Variants in SSH1 observed in about 807,000 individuals in gnomAD.
SSH1 encodes the protein protein phosphatase Slingshot homolog 1.
Under a neutral mutation model 79.7 loss-of-function variants are expected in SSH1, and 43 were observed. The ratio of observed to expected loss-of-function variants is 0.54; its 90% CI spans 0.42 to 0.70. The LOEUF is 0.70. Among genes scored for constraint, SSH1 ranks in the 30% least tolerant of loss-of-function variants. The pLI, the probability that SSH1 is intolerant of heterozygous loss-of-function variation, is 0.00. For synonymous variants in SSH1, 599 were observed against 538.3 expected, an observed-to-expected ratio of 1.11 and a Z score of -1.56; for missense variants, 1,206 against 1,358.8, an observed-to-expected ratio of 0.89 and a Z score of 1.77.
intron 2 of SSH1, among the ~76,000 whole-genome samples, chr12:108,844,920 C>G (rs1053002707): frequency 6.6e-6 from 1 of 152,024 alleles, no homozygotes; most frequent in Non-Finnish European, 1.5e-5. Flanking sequence ...ACCAGCCTGA[C>G]CAATACGGTG....
chr12:108,804,685 T>C (rs1403208319), intron 10 of SSH1, among the ~76,000 whole-genome samples: 1 of 152,222 alleles, frequency 6.6e-6, no homozygotes, highest in Admixed American at 6.5e-5. Context: ...ACACTTCCTT[T>C]AGTAACTGGG....
chr12:108,808,241 A>G (rs2037388212), intron 7 of SSH1, among the ~76,000 whole-genome samples: 1 of 152,196 alleles, frequency 6.6e-6, no homozygotes, highest in East Asian at 1.9e-4. Flanking sequence ...CCCGGCTGAG[A>G]AGTGCAGTTT....
Position 108,788,716 on chromosome 12 carries a change from G to T in SSH1, c.2422C>A (p.Gln808Lys), listed in dbSNP as rs909948991. The change falls in exon 15 of 15, where the codon CAG becomes AAG. Residue 808 changes from glutamine to lysine, a missense_variant. Physicochemically the swap from Gln to Lys is moderately conservative, Grantham distance 53 (BLOSUM62 1). Coordinates refer to ENST00000326495, the MANE Select transcript of SSH1 (RefSeq NM_018984.4). ...EKPTTNSYLM[Q>K]HQESIIQLQK... Reference sequence around the variant, plus strand: ...AGCTGAATGATGGACTCCTGGTGCTGCATCAGGTAGCTGTTGGTTGTCGGC... The same window carrying T: ...AGCTGAATGATGGACTCCTGGTGCTTCATCAGGTAGCTGTTGGTTGTCGGC... 2 of 1,614,124 alleles carry T rather than the reference G, an allele frequency of 1.2e-6. No homozygotes were observed. The highest frequency in any genetic ancestry group is 2.7e-5 in the African/African-American group (2 of 74,946).
At chr12:108,799,585 C>CG (rs1457671525) in intron 12 of SSH1, among the ~76,000 whole-genome samples, 1 of 152,134 alleles carries the variant, frequency 6.6e-6, no homozygotes, top group Non-Finnish European at 1.5e-5. Context: ...GGGCAGCTAA[C>CG]GGGATTTCTG....
Position 108,782,652 on chromosome 12 carries a change from G to A in SSH1, c.*5336C>T, listed in dbSNP as rs2036163423. On this transcript the variant is annotated 3_prime_UTR_variant, in exon 15 of 15. Transcript: ENST00000326495. ...CGATGTATCAGACTGTTTTGGCAAG[G>A]GCTGAGGAAGCAGTTTCCTTTTATA... 1 of 150,378 alleles carries A rather than the reference G, an allele frequency of 6.6e-6. No individual in the cohort carries two copies. The highest frequency in any genetic ancestry group is 7.0e-5 in the Admixed American group (1 of 14,256). The allele number at this position is 150,378 out of a possible 1,614,324, so 9.3% of individuals were successfully genotyped here. A position where few individuals can be genotyped will look rare whatever the true frequency, so the allele number is the denominator to read the frequency against.
chr12:108,800,783 G>A lies in SSH1; in HGVS notation c.1145C>T (p.Ala382Val), dbSNP rs763996054. The A allele has an allele frequency of 1.1e-5, 18 of 1,613,308 alleles. No homozygotes were observed. Among genetic ancestry groups the A allele is most frequent in the South Asian group, 9.9e-5 (9 of 91,062 alleles). Residue 382 changes from alanine (A) to valine (V), a missense_variant, in exon 12 of 15, where the codon GCG becomes GTG. Ala to Val is a moderately conservative substitution (Grantham distance 64, BLOSUM62 0). This residue lies in a region of SSH1 where 166 missense variants were observed against 262.9 expected (regional missense o/e 0.63). Transcript: ENST00000326495. ...WNEAYHFINK[A>V]KRNHSKCLVH... ...CCCCGCCTCTCTGTCCACTTACTTC[G>A]CTTTGTTTATAAAATGATACGCTTC...
rs900354975 is a variant in SSH1 at position 108,785,954 on chromosome 12, A to G, written c.*2034T>C. 1.3e-5 allele frequency: 2 copies of G among 152,188 alleles called. No individual in the cohort carries two copies. The highest frequency in any genetic ancestry group is 4.8e-5 in the African/African-American group (2 of 41,444). 9.4% of individuals were successfully genotyped at this position (152,188 alleles called of 1,614,324 possible). On this transcript the variant is annotated 3_prime_UTR_variant, in exon 15 of 15. Coordinates refer to ENST00000326495, the MANE Select transcript of SSH1 (RefSeq NM_018984.4). ...AAGTGGATAATCACCTTTTAAGGTG[A>G]TTTTAATTGACACTAGTGGGAAAAC...
rs1373502231 is a variant in SSH1, at chr12:108,792,572, T to C, written c.1607A>G (p.Glu536Gly). 5 of 1,613,436 alleles carry C rather than the reference T, an allele frequency of 3.1e-6. No individual in the cohort carries two copies. In the African/African-American group the frequency reaches 6.7e-5, roughly 22 times the overall value. ...TGSLVHLEDP[E>G]REALLEEAAP... The stretch of plus-strand genomic sequence containing the variant: ...AGCTTCCTCCAACAGAGCCTCCCTC[T>C]CCGGATCCTCCAGGTGGACCAAGCT... Residue 536 changes from glutamate (E) to glycine (G), a missense_variant, in exon 14 of 15, where the codon GAG becomes GGG. Around this residue, in one of 5 missense-constraint regions of SSH1, gnomAD observed 709 missense variants for 730.6 expected, o/e 0.97. Transcript: ENST00000326495.
At position 108,785,690 on chromosome 12, in the gene SSH1, A is replaced by G. The variant is rs1345155075; in HGVS notation, c.*2298T>C. The stretch of plus-strand genomic sequence containing the variant: ...CACACCCCACCCCCCAACTCTTTAG[A>G]TAAGAAAAATTATGGCTTTCAAAAT... On this transcript the variant is annotated 3_prime_UTR_variant, in exon 15 of 15. Transcript: ENST00000326495. The G allele has an allele frequency of 6.6e-6, 1 of 152,178 alleles. No individual in the cohort carries two copies. The allele number at this position is 152,178 out of a possible 1,614,324, so 9.4% of individuals were successfully genotyped here. A position where few individuals can be genotyped will look rare whatever the true frequency, so the allele number is the denominator to read the frequency against.
intron 2 of SSH1, among the ~76,000 whole-genome samples, chr12:108,830,321 G>A (rs991779011): frequency 2.6e-5 from 4 of 152,122 alleles, no homozygotes; most frequent in Admixed American, 6.5e-5. Flanking sequence ...GCGTGGTGAC[G>A]CACACTTGTA....
At chr12:108,842,050 G>A (rs559653161) in intron 2 of SSH1, among the ~76,000 whole-genome samples, 3 of 152,134 alleles carry the variant, frequency 2.0e-5, no homozygotes, top group Admixed American at 2.0e-4. Flanking sequence ...GACCAATTGA[G>A]CCCAGGAGGT....
At chr12:108,811,080 C>T (rs1181946493) in intron 6 of SSH1, among the ~76,000 whole-genome samples, 180 bp downstream of exon 6, 1 of 152,196 alleles carries the variant, frequency 6.6e-6, no homozygotes, top group Non-Finnish European at 1.5e-5. Context: ...CCCAATCAGA[C>T]GTCCAAAACA....
chr12:108,817,658 C>G (rs768447037), intron 4 of SSH1, among the ~76,000 whole-genome samples: 1 of 152,188 alleles, frequency 6.6e-6, no homozygotes, highest in African/African-American at 2.4e-5. Context: ...GCACCAGGGA[C>G]GCCGCCTGGC....
intron 12 of SSH1, 127 bp downstream of exon 12, chr12:108,800,653 C>A: frequency 1.8e-6 from 2 of 1,128,594 alleles, no homozygotes; most frequent in Non-Finnish European, 2.6e-6. Flanking sequence ...CCAACTCCTG[C>A]GTCTGGAGTC....
chr12:108,788,309 A>C lies in SSH1; in HGVS notation c.2829T>G (p.Ser943Arg). The C allele has an allele frequency of 6.2e-7, 1 of 1,613,382 alleles. No individual in the cohort carries two copies. Among genetic ancestry groups the C allele is most frequent in the Middle Eastern group, 1.6e-4 (1 of 6,062 alleles). Reference sequence around the variant, plus strand: ...TCACCAGCCCGGGCTTCCCACGGACACTGTGGATGCTATCGCTGCTGGAGC... The same window carrying C: ...TCACCAGCCCGGGCTTCCCACGGACCCTGTGGATGCTATCGCTGCTGGAGC... ...TRSSSSDSIH[S>R]VRGKPGLVKQ... The change falls in exon 15 of 15, where the codon AGT (serine) becomes AGG (arginine). Residue 943 changes from serine to arginine, a missense_variant. By Grantham distance (110) the Ser-to-Arg change is moderately radical. This residue lies in a region of SSH1 where 709 missense variants were observed against 730.6 expected (regional missense o/e 0.97). Coordinates refer to ENST00000326495, the MANE Select transcript of SSH1 (RefSeq NM_018984.4).
intron 2 of SSH1, among the ~76,000 whole-genome samples, chr12:108,828,447 T>C (rs1441740773): frequency 1.3e-5 from 2 of 152,170 alleles, no homozygotes; most frequent in African/African-American, 2.4e-5. Flanking sequence ...ATCAGAGCCA[T>C]TATGCTGCGG....
intron 10 of SSH1, among the ~76,000 whole-genome samples, chr12:108,802,679 G>GT: frequency 6.6e-6 from 1 of 151,866 alleles, no homozygotes; most frequent in Middle Eastern, 3.4e-3. Flanking sequence ...TAAGAGTCCA[G>GT]TGGGGGGGGG....
chr12:108,789,385 T>G (rs1565966294), intron 14 of SSH1, 141 bp from the exon 15 acceptor site: 1 of 860,952 alleles, frequency 1.2e-6, no homozygotes, highest in African/African-American at 1.7e-5. Context: ...CACTTAATAC[T>G]GACAGACAGA....
intron 2 of SSH1, among the ~76,000 whole-genome samples, chr12:108,846,842 T>C (rs2038908912): frequency 6.6e-6 from 1 of 151,920 alleles, no homozygotes; most frequent in Non-Finnish European, 1.5e-5. Flanking sequence ...ACATCAGCAA[T>C]ACTTTGTGAA....
Sources: gnomAD v4.1 joint callset for allele counts (sites outside exome capture counted in the v4.1 genomes callset) on GRCh38, gnomAD v4.1.1 for gene constraint, gnomAD v4.1.1 regional missense constraint, MANE v1.5 for transcripts, NCBI Gene and HGNC (gene_info 2026-07-23, HGNC 2026-07-21) for gene names.